PIGK: variants seen among roughly 807,000 people sequenced by gnomAD.
PIGK encodes GPI-anchor transamidase.
PIGK carries 42 observed loss-of-function variants against 50.6 expected under a neutral mutation model. That is an observed-to-expected ratio of 0.83 (90% CI 0.65 to 1.07). The LOEUF is 1.07. Ranked by LOEUF, PIGK falls within the 50% of genes least tolerant of loss-of-function variation. PIGK has a pLI of 0.00. For missense variants in PIGK, 448 were observed against 488.7 expected (o/e 0.92, Z 0.78); for synonymous variants, 151 against 156.0 (o/e 0.97, Z 0.24).
Position 77,194,794 on chromosome 1 carries a change from G to A in PIGK, c.239+11846C>T, listed in dbSNP as rs774657216. 9.2e-4 allele frequency: 330 copies of A among 358,770 alleles called. 4 individuals carry two copies. Among genetic ancestry groups the A allele is most frequent in the Non-Finnish European group, 1.5e-3 (285 of 187,464 alleles). 22.2% of individuals were successfully genotyped at this position (358,770 alleles called of 1,614,324 possible). On this transcript the variant is annotated intron_variant, in intron 3 of 10. Coordinates refer to ENST00000370812, the MANE Select transcript of PIGK (RefSeq NM_005482.3). Reference sequence around the variant, plus strand: ...TGTACCTCCTGAACCTAAAATAAACGTTGAAAAGAAAAAAAAAAAAAGACT... The same window carrying A: ...TGTACCTCCTGAACCTAAAATAAACATTGAAAAGAAAAAAAAAAAAAGACT...
At chr1:77,217,276 C>T (rs547448264) in intron 1 of PIGK, among the ~76,000 whole-genome samples, 1 of 152,090 alleles carries the variant, frequency 6.6e-6, no homozygotes, top group Admixed American at 6.6e-5. Context: ...AACAGAGGGA[C>T]CTGACCTGGT....
intron 3 of PIGK, among the ~76,000 whole-genome samples, chr1:77,190,110 G>C (rs529456604): frequency 6.6e-6 from 1 of 151,862 alleles, no homozygotes; most frequent in African/African-American, 2.4e-5. Context: ...TTTAATAGCC[G>C]GGCATAGTGG....
intron 10 of PIGK, among the ~76,000 whole-genome samples, chr1:77,093,931 T>C (rs989734399): frequency 1.3e-5 from 2 of 152,100 alleles, no homozygotes; most frequent in African/African-American, 4.8e-5. Context: ...CTGTGACAAA[T>C]CTTAATTCAA....
At chr1:77,118,609 CAT>C (rs1491186812) in intron 10 of PIGK, among the ~76,000 whole-genome samples, 1 of 152,196 alleles carries the variant, frequency 6.6e-6, no homozygotes, top group Non-Finnish European at 1.5e-5. Flanking sequence ...TGCCATTTCG[CAT>C]TTTTTGCATT....
At position 77,199,600 on chromosome 1, in the gene PIGK, T is replaced by C. The variant is rs1435866659; in HGVS notation, c.239+7040A>G. 2.6e-5 allele frequency among the ~76,000 whole-genome samples: 4 copies of C among 151,896 alleles called. No homozygotes were observed. The East Asian group carries it at 7.7e-4, about 29-fold the overall frequency. Reference sequence around the variant, plus strand: ...ACATAAAATAGTAATATAATAAATGTAAAATACATTTAGAAATTTTAATAA... The same window carrying C: ...ACATAAAATAGTAATATAATAAATGCAAAATACATTTAGAAATTTTAATAA... On this transcript the variant is annotated intron_variant, in intron 3 of 10. Coordinates refer to ENST00000370812, the MANE Select transcript of PIGK (RefSeq NM_005482.3).
intron 3 of PIGK, chr1:77,194,978 C>T (rs1268912098): frequency 3.1e-6 from 2 of 639,934 alleles, no homozygotes; most frequent in Non-Finnish European, 5.9e-6. Flanking sequence ...AGCAGAGGAT[C>T]ACGTGGAAGC....
intron 3 of PIGK, among the ~76,000 whole-genome samples, chr1:77,186,929 G>C (rs1655762146): frequency 6.6e-6 from 1 of 152,192 alleles, no homozygotes; most frequent in South Asian, 2.1e-4. Flanking sequence ...GAAAAGGGCA[G>C]TGGTTTGTCC....
At chr1:77,171,207 C>T (rs188957486) in intron 3 of PIGK, among the ~76,000 whole-genome samples, 185 of 151,860 alleles carry the variant, frequency 1.2e-3, no homozygotes, top group African/African-American at 4.1e-3. Context: ...GAGGCTGAGG[C>T]GGGCGGATCA....
Position 77,090,626 on chromosome 1 carries a change from T to C in PIGK, c.*1748A>G, listed in dbSNP as rs1379543627. 6.6e-6 allele frequency: 1 copy of C among 152,234 alleles called. No individual in the cohort carries two copies. The highest frequency in any genetic ancestry group is 6.5e-5 in the Admixed American group (1 of 15,282). 9.4% of individuals were successfully genotyped at this position (152,234 alleles called of 1,614,324 possible). A position where few individuals can be genotyped will look rare whatever the true frequency, so the allele number is the denominator to read the frequency against. The stretch of plus-strand genomic sequence containing the variant: ...AATTACTTTGGCTCAAGAACAATCA[T>C]AATTCCTTTACCACCCTAAATAGCT... On this transcript the variant is annotated 3_prime_UTR_variant, in exon 11 of 11. Transcript: ENST00000370812.
intron 1 of PIGK, among the ~76,000 whole-genome samples, chr1:77,213,195 G>C (rs550963391): frequency 6.6e-6 from 1 of 152,304 alleles, no homozygotes; most frequent in East Asian, 1.9e-4. Flanking sequence ...AAAGTGCTGG[G>C]ATTACAGGCA....
chr1:77,096,662 C>T (rs1266275840), intron 10 of PIGK, among the ~76,000 whole-genome samples: 1 of 152,118 alleles, frequency 6.6e-6, no homozygotes, highest in Non-Finnish European at 1.5e-5. Flanking sequence ...AACACAACTG[C>T]CCAGCTAAAC....
chr1:77,171,693 T>A (rs1655366410), intron 3 of PIGK, among the ~76,000 whole-genome samples: 1 of 152,012 alleles, frequency 6.6e-6, no homozygotes. Context: ...CTTGGAATAA[T>A]ACGGAAAAAG....
intron 2 of PIGK, among the ~76,000 whole-genome samples, chr1:77,208,823 T>C (rs1656351847): frequency 6.6e-6 from 1 of 152,172 alleles, no homozygotes; most frequent in Non-Finnish European, 1.5e-5. Context: ...AATCACCCTA[T>C]TTACTTATAG....
At chr1:77,180,547 C>T (rs1557816028) in intron 3 of PIGK, among the ~76,000 whole-genome samples, 2 of 152,132 alleles carry the variant, frequency 1.3e-5, no homozygotes, top group Admixed American at 6.6e-5. Context: ...GTTAAGGACA[C>T]GTGCCCAGGA....
At chr1:77,130,016 A>G (rs1221176069) in intron 9 of PIGK, among the ~76,000 whole-genome samples, 5 of 151,634 alleles carry the variant, frequency 3.3e-5, no homozygotes, top group Non-Finnish European at 7.4e-5. Flanking sequence ...GTGATCACTA[A>G]CATGAGTCTT....
intron 3 of PIGK, among the ~76,000 whole-genome samples, chr1:77,171,691 A>T (rs1655366353): frequency 6.6e-6 from 1 of 152,132 alleles, no homozygotes; most frequent in South Asian, 2.1e-4. Flanking sequence ...TACTTGGAAT[A>T]ATACGGAAAA....
At chr1:77,194,902 G>A (rs115627881) in intron 3 of PIGK, 9,131 of 491,776 alleles carry the variant, frequency 0.019, 173 homozygotes, top group South Asian at 0.033. Flanking sequence ...AGGGAACCAG[G>A]TGGTCAAATG....
intron 10 of PIGK, among the ~76,000 whole-genome samples, chr1:77,102,522 G>T (rs530913991): frequency 6.6e-6 from 1 of 152,166 alleles, no homozygotes; most frequent in East Asian, 1.9e-4. Flanking sequence ...GGAGGAAAGG[G>T]GTCATGAGCC....
chr1:77,138,902 C>T (rs1654582688), intron 9 of PIGK, among the ~76,000 whole-genome samples: 1 of 152,180 alleles, frequency 6.6e-6, no homozygotes, highest in South Asian at 2.1e-4. Flanking sequence ...TGTTAAATCA[C>T]ATGAGAGTAT....
Sources: allele counts gnomAD v4.1 joint callset (sites outside exome capture counted in the v4.1 genomes callset), GRCh38; gene constraint gnomAD v4.1.1; transcripts MANE v1.5; gene names NCBI Gene and HGNC (gene_info 2026-07-23, HGNC 2026-07-21).